Variants in SH3RF3 observed in about 807,000 individuals in gnomAD.
SH3RF3 encodes E3 ubiquitin-protein ligase SH3RF3.
Under a neutral mutation model 66.3 loss-of-function variants are expected in SH3RF3, and 29 were observed. That is an observed-to-expected ratio of 0.44 (90% CI 0.33 to 0.60). The LOEUF is 0.60. Ranked by LOEUF, SH3RF3 falls within the 20% of genes least tolerant of loss-of-function variation. The probability of loss-of-function intolerance (pLI) is 0.04; values close to 1 mark genes in which losing one functional copy is unlikely to be tolerated. For synonymous variants in SH3RF3, 583 were observed against 532.0 expected (o/e 1.10, Z -1.32); for missense variants, 1,194 against 1,190.9 (o/e 1.00, Z -0.04).
intron 1 of SH3RF3, among the ~76,000 whole-genome samples, chr2:109,276,358 C>T (rs1680757947): frequency 6.6e-6 from 1 of 152,098 alleles, no homozygotes; most frequent in Non-Finnish European, 1.5e-5. Context: ...AAATATGTGT[C>T]CCGTAGTAGA....
At chr2:109,159,969 A>C (rs1677447616) in intron 1 of SH3RF3, among the ~76,000 whole-genome samples, 1 of 152,228 alleles carries the variant, frequency 6.6e-6, no homozygotes, top group African/African-American at 2.4e-5. Context: ...TAATAATAGA[A>C]ATAAAGTGCA....
At chr2:109,144,052 T>C (rs1677030978) in intron 1 of SH3RF3, among the ~76,000 whole-genome samples, 1 of 152,150 alleles carries the variant, frequency 6.6e-6, no homozygotes. Context: ...GCCGGAAGTG[T>C]GGGAAGAGGA....
chr2:109,231,906 A>G (rs184258603), intron 1 of SH3RF3, among the ~76,000 whole-genome samples: 148 of 152,330 alleles, frequency 9.7e-4, no homozygotes, highest in Non-Finnish European at 1.6e-3. Context: ...GCCCTTTTAA[A>G]GTGTTCAACC....
intron 1 of SH3RF3, among the ~76,000 whole-genome samples, chr2:109,317,920 C>T (rs1426116408): frequency 1.3e-5 from 2 of 152,046 alleles, no homozygotes; most frequent in Non-Finnish European, 2.9e-5. Flanking sequence ...TCGCTGGCTG[C>T]ACCGCTGAGG....
rs1679400050 is a variant in SH3RF3, at chr2:109,501,948, G to T, written c.*277G>T. The stretch of plus-strand genomic sequence containing the variant: ...AGCACCTTGAGGAAGAGAGGCAGGT[G>T]CCGGCGCAGGCAGGCCTGTGGCTGT... On this transcript the variant is annotated 3_prime_UTR_variant, in exon 10 of 10. Coordinates refer to ENST00000309415, the MANE Select transcript of SH3RF3 (RefSeq NM_001099289.3). 1 of 396,876 alleles carries T rather than the reference G, an allele frequency of 2.5e-6. No individual in the cohort carries two copies. Among genetic ancestry groups the T allele is most frequent in the Admixed American group, 3.7e-5 (1 of 27,360 alleles). 24.6% of individuals were successfully genotyped at this position (396,876 alleles called of 1,614,324 possible).
At chr2:109,249,512 TCTTTCTTTTTC>T (rs1680014444) in intron 1 of SH3RF3, among the ~76,000 whole-genome samples, 1 of 46,380 alleles carries the variant, frequency 2.2e-5, no homozygotes, top group Non-Finnish European at 4.0e-5. Context: ...TTTCTTTCAT[TCTTTCTTTTTC>T]TTTCTTTCTT....
At chr2:109,382,861 C>A (rs1368742523) in intron 3 of SH3RF3, among the ~76,000 whole-genome samples, 2 of 152,206 alleles carry the variant, frequency 1.3e-5, no homozygotes, top group East Asian at 3.9e-4. Flanking sequence ...GATTATGAAC[C>A]CTGCCCCAAT....
chr2:109,285,600 G>A (rs939903343), intron 1 of SH3RF3, among the ~76,000 whole-genome samples: 1 of 152,220 alleles, frequency 6.6e-6, no homozygotes, highest in African/African-American at 2.4e-5. Flanking sequence ...GTCAAGCCCC[G>A]GAGTGTGTCT....
At chr2:109,177,191 A>T (rs530463948) in intron 1 of SH3RF3, among the ~76,000 whole-genome samples, 13 of 152,256 alleles carry the variant, frequency 8.5e-5, no homozygotes, top group African/African-American at 3.1e-4. Flanking sequence ...AATAAGGGGG[A>T]CTGTGTTTTC....
chr2:109,248,772 C>T (rs1291405779), intron 1 of SH3RF3, among the ~76,000 whole-genome samples: 1 of 149,960 alleles, frequency 6.7e-6, no homozygotes, highest in Non-Finnish European at 1.5e-5. Context: ...CTCTCTCTTT[C>T]TCTTCTTTCT....
At chr2:109,311,988 C>T (rs1031981205) in intron 1 of SH3RF3, among the ~76,000 whole-genome samples, 3 of 151,932 alleles carry the variant, frequency 2.0e-5, no homozygotes, top group Non-Finnish European at 4.4e-5. Flanking sequence ...GTGGTGAGGT[C>T]GGCTGCTGCT....
intron 1 of SH3RF3, among the ~76,000 whole-genome samples, chr2:109,262,398 C>T (rs1303148228): frequency 6.6e-6 from 1 of 152,130 alleles, no homozygotes; most frequent in East Asian, 1.9e-4. Flanking sequence ...GGGTTACTGC[C>T]TTCAAACTCT....
intron 1 of SH3RF3, among the ~76,000 whole-genome samples, chr2:109,282,666 G>C (rs1243573917): frequency 6.6e-6 from 1 of 152,230 alleles, no homozygotes; most frequent in Non-Finnish European, 1.5e-5. Context: ...TTTGCTTGGA[G>C]CACTTCACTT....
chr2:109,358,288 C>G (rs1039136571), intron 2 of SH3RF3, among the ~76,000 whole-genome samples: 1 of 152,122 alleles, frequency 6.6e-6, no homozygotes, highest in African/African-American at 2.4e-5. Flanking sequence ...GTTTGTTTAT[C>G]CATTCACCTA....
At chr2:109,306,315 TG>T (rs1301736267) in intron 1 of SH3RF3, among the ~76,000 whole-genome samples, 1 of 152,180 alleles carries the variant, frequency 6.6e-6, no homozygotes, top group Non-Finnish European at 1.5e-5. Flanking sequence ...CCTGCGATGT[TG>T]TTCTGACCCC....
intron 1 of SH3RF3, among the ~76,000 whole-genome samples, chr2:109,235,023 C>G (rs1679610780): frequency 6.6e-6 from 1 of 152,276 alleles, no homozygotes; most frequent in African/African-American, 2.4e-5. Flanking sequence ...TTAGAAGCTG[C>G]CCTGGTCCCT....
chr2:109,389,552 G>T (rs116661516), intron 3 of SH3RF3, among the ~76,000 whole-genome samples: 7 of 152,164 alleles, frequency 4.6e-5, no homozygotes, highest in African/African-American at 9.7e-5. Flanking sequence ...TCAATGGATC[G>T]TTTGAAAACC....
Position 109,412,666 on chromosome 2 carries a change from C to T in SH3RF3, c.1300-6873C>T, listed in dbSNP as rs753100069. 1.8e-3 allele frequency among the ~76,000 whole-genome samples: 268 copies of T among 152,352 alleles called. 5 individuals are homozygous for T. The highest frequency in any genetic ancestry group is 6.3e-4 in the Non-Finnish European group (43 of 68,040). ...GGGGATCGAGAAAGATACGGGCTTA[C>T]CGTCAGCCAGACCTCAAGTGTTAAC... On this transcript the variant is annotated intron_variant, in intron 4 of 9. Transcript: ENST00000309415.
At chr2:109,156,345 C>T (rs903004726) in intron 1 of SH3RF3, among the ~76,000 whole-genome samples, 1 of 152,192 alleles carries the variant, frequency 6.6e-6, no homozygotes, top group African/African-American at 2.4e-5. Context: ...TGCTTTCTCT[C>T]CTAGATGGTG....
Sources: allele counts gnomAD v4.1 joint callset (sites outside exome capture counted in the v4.1 genomes callset), GRCh38; gene constraint gnomAD v4.1.1; transcripts MANE v1.5; gene names NCBI Gene and HGNC (gene_info 2026-07-23, HGNC 2026-07-21).